Variants in RNF180 observed in about 807,000 individuals in gnomAD.
RNF180 encodes E3 ubiquitin-protein ligase RNF180.
A neutral mutation model predicts 59.2 loss-of-function variants in RNF180; 38 were observed. That is an observed-to-expected ratio of 0.64 (90% confidence interval 0.50 to 0.84). RNF180 has a LOEUF of 0.84. RNF180 is among the 40% of genes least tolerant of loss of function. The probability of loss-of-function intolerance (pLI) is 0.00; values close to 1 mark genes in which losing one functional copy is unlikely to be tolerated. For missense variants in RNF180, 705 were observed against 700.9 expected (o/e 1.01, Z -0.07); for synonymous variants, 262 against 240.3 (o/e 1.09, Z -0.84).
At chr5:64,231,137 T>C (rs1742076971) in intron 5 of RNF180, among the ~76,000 whole-genome samples, 1 of 152,206 alleles carries the variant, frequency 6.6e-6, no homozygotes, top group Non-Finnish European at 1.5e-5. Context: ...GCACTAAAGA[T>C]AATATTGACC....
At chr5:64,325,491 G>A in intron 6 of RNF180, 80 bp downstream of exon 6, 1 of 1,075,582 alleles carries the variant, frequency 9.3e-7, no homozygotes, top group Non-Finnish European at 1.4e-6. Flanking sequence ...AAATTAAAAA[G>A]TTACTGAAAA....
intron 7 of RNF180, among the ~76,000 whole-genome samples, chr5:64,339,853 G>A (rs1016701327): frequency 9.9e-5 from 15 of 152,112 alleles, no homozygotes; most frequent in East Asian, 5.8e-4. Flanking sequence ...GTAAGCAGAC[G>A]TTTTAAATTT....
Position 64,372,557 on chromosome 5 carries a change from T to C in RNF180, c.*2743T>C, listed in dbSNP as rs1423481187. On this transcript the variant is annotated 3_prime_UTR_variant, in exon 8 of 8. Transcript: ENST00000389100. ...CCAGTTAATAAAATTTTCATTTAAATGTCTTTTGTATGGCTAAATGAATAT... is the reference window on the plus strand; with the variant it reads ...CCAGTTAATAAAATTTTCATTTAAACGTCTTTTGTATGGCTAAATGAATAT... 6.6e-6 allele frequency: 1 copy of C among 151,986 alleles called. No homozygotes were observed. The highest frequency in any genetic ancestry group is 1.5e-5 in the Non-Finnish European group (1 of 67,924). The allele number at this position is 151,986 out of a possible 1,614,324, so 9.4% of individuals were successfully genotyped here. A position where few individuals can be genotyped will look rare whatever the true frequency, so the allele number is the denominator to read the frequency against.
At chr5:64,318,749 A>G (rs536401860) in intron 5 of RNF180, among the ~76,000 whole-genome samples, 1 of 152,320 alleles carries the variant, frequency 6.6e-6, no homozygotes, top group African/African-American at 2.4e-5. Context: ...GCAATATACC[A>G]TCAGTTGAAC....
chr5:64,340,667 G>A (rs1745321961), intron 7 of RNF180, among the ~76,000 whole-genome samples: 1 of 152,070 alleles, frequency 6.6e-6, no homozygotes, highest in Non-Finnish European at 1.5e-5. Flanking sequence ...CTCTGAAACT[G>A]GAACAATTTT....
chr5:64,201,232 A>C (rs1204088843), intron 2 of RNF180, among the ~76,000 whole-genome samples: 6 of 152,240 alleles, frequency 3.9e-5, no homozygotes, highest in Non-Finnish European at 7.3e-5. Context: ...GATAATAGTC[A>C]ATGTTTTTTA....
intron 2 of RNF180, among the ~76,000 whole-genome samples, chr5:64,209,536 GT>G (rs58264896): frequency 0.16 from 23,948 of 151,972 alleles, 2,544 homozygotes; most frequent in East Asian, 0.59. Flanking sequence ...TCAACACTGT[GT>G]TTAGTAATCA....
chr5:64,169,125 G>T lies in RNF180; in HGVS notation c.-1+3172G>T, dbSNP rs1749804651. On this transcript the variant is annotated intron_variant, in intron 1 of 7. Transcript: ENST00000389100. ...TTCAGGAAAAACTAGTTTGGTCTTT[G>T]AACTAGTTCCTTACAGTTTCAGACT... Among the ~76,000 whole-genome samples the T allele has an allele frequency of 2.0e-5, 3 of 152,290 alleles. No homozygotes were observed. In the South Asian group the frequency reaches 6.2e-4, roughly 32 times the overall value.
In RNF180 at chr5:64,188,404, C is replaced by CA. The variant is rs561395613; in HGVS notation, c.1-12394dup. ...ACAAATACATTATGGTTCTCGTAAA[C>CA]AAAAAAAAAAGTACATATTTTTAAG... On this transcript the variant is annotated intron_variant, in intron 1 of 7. Coordinates refer to ENST00000389100, the MANE Select transcript of RNF180 (RefSeq NM_001113561.2). Among the ~76,000 whole-genome samples the CA allele has an allele frequency of 2.5e-3, 352 of 143,452 alleles. 1 individual carries two copies. The highest frequency in any genetic ancestry group is 4.4e-3 in the African/African-American group (173 of 39,108). 94.1% of individuals were successfully genotyped at this position (143,452 alleles called of 152,430 possible). A position where few individuals can be genotyped will look rare whatever the true frequency, so the allele number is the denominator to read the frequency against.
At chr5:64,181,058 G>C (rs1166895164) in intron 1 of RNF180, among the ~76,000 whole-genome samples, 2 of 152,194 alleles carry the variant, frequency 1.3e-5, no homozygotes, top group Non-Finnish European at 2.9e-5. Flanking sequence ...CTTGGAGTCT[G>C]ATGTTCGAGG....
At chr5:64,290,930 C>G (rs1742549860) in intron 5 of RNF180, among the ~76,000 whole-genome samples, 2 of 152,122 alleles carry the variant, frequency 1.3e-5, no homozygotes, top group South Asian at 4.1e-4. Flanking sequence ...TTCATAGTGT[C>G]ACTAGTTGTG....
At chr5:64,227,519 C>A (rs1389565035) in intron 5 of RNF180, among the ~76,000 whole-genome samples, 1 of 152,198 alleles carries the variant, frequency 6.6e-6, no homozygotes, top group Admixed American at 6.5e-5. Flanking sequence ...ACCCCACATG[C>A]CCTGACAGTG....
At chr5:64,272,116 C>T (rs984366376) in intron 5 of RNF180, among the ~76,000 whole-genome samples, 1 of 152,062 alleles carries the variant, frequency 6.6e-6, no homozygotes, top group Non-Finnish European at 1.5e-5. Context: ...AGCTTAAGGT[C>T]TAGTGAGAGT....
chr5:64,352,295 T>C (rs1745847016), intron 7 of RNF180, among the ~76,000 whole-genome samples: 1 of 152,052 alleles, frequency 6.6e-6, no homozygotes, highest in Admixed American at 6.6e-5. Context: ...TTCTCTCTTT[T>C]CTTCTTTATT....
rs1746601442 is a variant in RNF180, at chr5:64,369,871, T to TA, written c.*60dup. 7.2e-6 allele frequency: 7 copies of TA among 969,096 alleles called. No individual in the cohort carries two copies. The South Asian group carries it at 1.5e-4, about 21-fold the overall frequency. 60.0% of individuals were successfully genotyped at this position (969,096 alleles called of 1,614,324 possible). On this transcript the variant is annotated 3_prime_UTR_variant, in exon 8 of 8. Coordinates refer to ENST00000389100, the MANE Select transcript of RNF180 (RefSeq NM_001113561.2). ...ATAAATGATGTAAATAACAATTGCTTAAACATTTTTAAATGTGCTTTGAAG... is the reference window on the plus strand; with the variant it reads ...ATAAATGATGTAAATAACAATTGCTTAAAACATTTTTAAATGTGCTTTGAAG...
At chr5:64,168,731 T>G (rs769254867) in intron 1 of RNF180, among the ~76,000 whole-genome samples, 4 of 152,170 alleles carry the variant, frequency 2.6e-5, no homozygotes, top group Non-Finnish European at 5.9e-5. Context: ...CAAGGCAATA[T>G]AGCCTCAAAA....
intron 7 of RNF180, among the ~76,000 whole-genome samples, chr5:64,357,826 T>C (rs1746092039): frequency 6.6e-6 from 1 of 151,894 alleles, no homozygotes; most frequent in African/African-American, 2.4e-5. Flanking sequence ...ATAGCCTTGT[T>C]TTCTAGGATA....
At chr5:64,346,933 C>G (rs910883319) in intron 7 of RNF180, among the ~76,000 whole-genome samples, 2 of 152,114 alleles carry the variant, frequency 1.3e-5, no homozygotes, top group Admixed American at 6.6e-5. Flanking sequence ...TATTCTCTGA[C>G]TTGTTTATTT....
At chr5:64,292,237 T>G (rs1742633066) in intron 5 of RNF180, among the ~76,000 whole-genome samples, 2 of 152,194 alleles carry the variant, frequency 1.3e-5, no homozygotes, top group Admixed American at 1.3e-4. Flanking sequence ...TCAGCATTTT[T>G]GCATTGATTC....
Sources: allele counts gnomAD v4.1 joint callset (sites outside exome capture counted in the v4.1 genomes callset), GRCh38; gene constraint gnomAD v4.1.1; transcripts MANE v1.5; gene names NCBI Gene and HGNC (gene_info 2026-07-23, HGNC 2026-07-21).